The following RHD variants were observed in gnomAD, a reference collection of about 807,000 sequenced individuals.
RHD encodes Rh blood group D antigen, also known as blood group Rh(D) polypeptide.
A neutral mutation model predicts 45.5 loss-of-function variants in RHD; 16 were observed. That is an observed-to-expected ratio of 0.35 (90% CI 0.24 to 0.53). The LOEUF is 0.53. RHD is among the 20% of genes least tolerant of loss of function. The pLI is 0.92. For missense variants in RHD, 306 were observed against 532.0 expected (o/e 0.58, Z 4.18); for synonymous variants, 131 against 217.5 (o/e 0.60, Z 3.50).
At chr1:25,323,547 C>T (rs1644827188) in intron 9 of RHD, among the ~76,000 whole-genome samples, 2 of 127,074 alleles carry the variant, frequency 1.6e-5, no homozygotes, top group South Asian at 4.8e-4. Flanking sequence ...TAGCCTCAAC[C>T]TCCCCAGGCT....
At chr1:25,324,611 T>G (rs1644874731) in intron 9 of RHD, among the ~76,000 whole-genome samples, 1 of 151,500 alleles carries the variant, frequency 6.6e-6, no homozygotes, top group Non-Finnish European at 1.5e-5. Context: ...AATGTGAAAG[T>G]TTATTACTAG....
rs771256115 is a variant in RHD at position 25,301,043 on chromosome 1, C to T, written c.584C>T (p.Thr195Met). Residue 195 changes from threonine (T) to methionine (M), a missense_variant, in exon 4 of 10, where the codon ACG becomes ATG. Transcript: ENST00000328664. ...CTGCCAAAGCCTCTACCCGAGGGAA[C>T]GGAGGATAAAGATCAGACAGCAACG... ...WCLPKPLPEG[T>M]EDKDQTATIP... is the part of the protein sequence containing the mutation. The T allele has an allele frequency of 9.4e-6, 13 of 1,376,914 alleles. 4 individuals carry two copies. The highest frequency in any genetic ancestry group is 4.7e-5 in the South Asian group (4 of 84,856). 85.3% of individuals were successfully genotyped at this position (1,376,914 alleles called of 1,614,324 possible). A position where few individuals can be genotyped will look rare whatever the true frequency, so the allele number is the denominator to read the frequency against.
chr1:25,312,017 G>A (rs1230791175), intron 7 of RHD, among the ~76,000 whole-genome samples: 1 of 117,572 alleles, frequency 8.5e-6, no homozygotes, highest in Non-Finnish European at 2.0e-5. Context: ...TGCAATGCCA[G>A]CTTGGGAGAA....
chr1:25,305,436 A>C (rs1268628916), intron 6 of RHD, among the ~76,000 whole-genome samples: 1 of 120,296 alleles, frequency 8.3e-6, no homozygotes, highest in African/African-American at 2.8e-5. Context: ...TCATTCTGTC[A>C]CCCAGGCTGG....
rs945740372 is a variant in RHD, at chr1:25,292,122, T to C, written c.486+1331T>C. 2.3e-5 allele frequency among the ~76,000 whole-genome samples: 3 copies of C among 132,038 alleles called. 1 individual carries two copies. The highest frequency in any genetic ancestry group is 7.7e-5 in the African/African-American group (3 of 38,738). The allele number at this position is 132,038 out of a possible 152,430, so 86.6% of individuals were successfully genotyped here. ...ATATGAGGGTAGCAGTACTACCACA[T>C]AGGGTTTTGAGGGAGTAATTGAATT... is the stretch of plus-strand genomic sequence containing the variant. On this transcript the variant is annotated intron_variant, in intron 3 of 9. Transcript: ENST00000328664.
chr1:25,314,137 C>T (rs1405848898), intron 7 of RHD, among the ~76,000 whole-genome samples: 1 of 132,970 alleles, frequency 7.5e-6, no homozygotes, highest in African/African-American at 2.6e-5. Flanking sequence ...AGTATTCACA[C>T]AGTCAGCTTT....
chr1:25,301,704 C>T lies in RHD; in HGVS notation c.801+18C>T. On this transcript the variant is annotated intron_variant, in intron 5 of 9. Transcript: ENST00000328664. Reference sequence around the variant, plus strand: ...TCAGCAAGGTGAGCAGGGCGCTGCCCTTGGGCAGCACTTGGGTCTAACAGG... The same window carrying T: ...TCAGCAAGGTGAGCAGGGCGCTGCCTTTGGGCAGCACTTGGGTCTAACAGG... 1 of 1,374,732 alleles carries T rather than the reference C, an allele frequency of 7.3e-7. No individual in the cohort carries two copies. The highest frequency in any genetic ancestry group is 1.0e-6 in the Non-Finnish European group (1 of 974,788). 85.2% of individuals were successfully genotyped at this position (1,374,732 alleles called of 1,614,324 possible).
At chr1:25,292,488 C>T (rs1413588968) in intron 3 of RHD, among the ~76,000 whole-genome samples, 2 of 131,704 alleles carry the variant, frequency 1.5e-5, no homozygotes, top group East Asian at 2.0e-4. Context: ...ATAGACTGCA[C>T]GTGGGGTGGG....
In RHD at chr1:25,276,204, T is replaced by C. The variant is rs186708387; in HGVS notation, c.148+3509T>C. 5.3e-4 allele frequency among the ~76,000 whole-genome samples: 69 copies of C among 131,104 alleles called. 7 individuals carry two copies. The highest frequency in any genetic ancestry group is 1.8e-3 in the African/African-American group (68 of 38,416). The allele number at this position is 131,104 out of a possible 152,430, so 86.0% of individuals were successfully genotyped here. On this transcript the variant is annotated intron_variant, in intron 1 of 9. Transcript: ENST00000328664. ...GCATGGTGGGTTGTTTTTGTTTTTG[T>C]TTTTTAAGTCTCCATCTGTTAGAGA...
Position 25,274,476 on chromosome 1 carries a change from G to A in RHD, c.148+1781G>A, listed in dbSNP as rs1315095868. Among the ~76,000 whole-genome samples, 25 of 132,256 alleles carry A rather than the reference G, an allele frequency of 1.9e-4. 6 individuals are homozygous for A. The highest frequency in any genetic ancestry group is 1.8e-3 in the Admixed American group (25 of 13,544). The allele number at this position is 132,256 out of a possible 152,430, so 86.8% of individuals were successfully genotyped here. On this transcript the variant is annotated intron_variant, in intron 1 of 9. Transcript: ENST00000328664. ...CGTGCTACTAACGTAGGTACAAAAT[G>A]TCCTCAGAAACTCACTTTATACGGA...
Position 25,301,159 on chromosome 1 carries a change from G to A in RHD, c.634+66G>A. ...AGCAGAATGGCTCAGAAAAGGCTCT[G>A]GCTGAAAAAATCTCCCTCCTTTACC... On this transcript the variant is annotated intron_variant, in intron 4 of 9. Transcript: ENST00000328664. The A allele has an allele frequency of 1.1e-5, 15 of 1,311,834 alleles. 4 individuals are homozygous for A. Among genetic ancestry groups the A allele is most frequent in the Non-Finnish European group, 1.6e-5 (15 of 920,670 alleles). 81.3% of individuals were successfully genotyped at this position (1,311,834 alleles called of 1,614,324 possible). A position where few individuals can be genotyped will look rare whatever the true frequency, so the allele number is the denominator to read the frequency against.
Position 25,308,598 on chromosome 1 carries a change from G to A in RHD, c.1073+1869G>A, listed in dbSNP as rs2518079. On this transcript the variant is annotated intron_variant, in intron 7 of 9. Transcript: ENST00000328664. ...CTTCCCGCATGACTGAGTTCAAGCTGTCAAGGAGACATCACTATACATGGA... is the reference window on the plus strand; with the variant it reads ...CTTCCCGCATGACTGAGTTCAAGCTATCAAGGAGACATCACTATACATGGA... Among the ~76,000 whole-genome samples the A allele has an allele frequency of 2.9e-3, 384 of 132,166 alleles. 53 individuals carry two copies. The highest frequency in any genetic ancestry group is 7.6e-3 in the African/African-American group (292 of 38,398). The allele number at this position is 132,166 out of a possible 152,430, so 86.7% of individuals were successfully genotyped here. A position where few individuals can be genotyped will look rare whatever the true frequency, so the allele number is the denominator to read the frequency against.
rs866913540 is a variant in RHD at position 25,320,281 on chromosome 1, C to A, written c.1154-1608C>A. Among the ~76,000 whole-genome samples the A allele has an allele frequency of 1.4e-4, 18 of 131,892 alleles. 4 individuals are homozygous for A. Among genetic ancestry groups the A allele is most frequent in the African/African-American group, 4.1e-4 (16 of 38,750 alleles). The allele number at this position is 131,892 out of a possible 152,430, so 86.5% of individuals were successfully genotyped here. A position where few individuals can be genotyped will look rare whatever the true frequency, so the allele number is the denominator to read the frequency against. The stretch of plus-strand genomic sequence containing the variant: ...AACAACAACCCTCCACAGCTACACA[C>A]CTTTTCCACGTTATATGGCACGTTA... On this transcript the variant is annotated intron_variant, in intron 8 of 9. Coordinates refer to ENST00000328664, the MANE Select transcript of RHD (RefSeq NM_016124.6).
chr1:25,279,772 T>C (rs1381044314), intron 1 of RHD, among the ~76,000 whole-genome samples: 1 of 129,014 alleles, frequency 7.8e-6, no homozygotes, highest in East Asian at 2.0e-4. Context: ...CATGAGGCTT[T>C]CATAAACTTT....
At chr1:25,284,088 G>T (rs71652365) in intron 1 of RHD, among the ~76,000 whole-genome samples, 1 of 134,984 alleles carries the variant, frequency 7.4e-6, no homozygotes, top group African/African-American at 2.6e-5. Flanking sequence ...CAACAAGAGC[G>T]CTGGGCCTAT....
Position 25,301,615 on chromosome 1 carries a change from G to T in RHD, c.730G>T (p.Ala244Ser), listed in dbSNP as rs1643394534. The T allele has an allele frequency of 1.4e-6, 2 of 1,380,316 alleles. No homozygotes were observed. Among genetic ancestry groups the T allele is most frequent in the Non-Finnish European group, 2.0e-6 (2 of 979,292 alleles). 85.5% of individuals were successfully genotyped at this position (1,380,316 alleles called of 1,614,324 possible). Residue 244 changes from alanine to serine, a missense_variant, in exon 5 of 10, where the codon GCT becomes TCT. Coordinates refer to ENST00000328664, the MANE Select transcript of RHD (RefSeq NM_016124.6). ...GAATGCCGTGTTCAACACCTACTAT[G>T]CTGTAGCAGTCAGCGTGGTGACAGC... ...RKNAVFNTYYAVAVSVVTAIS... is the reference protein window; with the variant it reads ...RKNAVFNTYYSVAVSVVTAIS...
In RHD at chr1:25,322,826, G is replaced by T. The variant is rs2124163538; in HGVS notation, c.1227+864G>T. Among the ~76,000 whole-genome samples the T allele has an allele frequency of 2.4e-5, 3 of 126,614 alleles. 1 individual carries two copies. The highest frequency in any genetic ancestry group is 2.3e-4 in the Admixed American group (3 of 12,884). The allele number at this position is 126,614 out of a possible 152,430, so 83.1% of individuals were successfully genotyped here. A position where few individuals can be genotyped will look rare whatever the true frequency, so the allele number is the denominator to read the frequency against. ...AAATTCTCTCGGCCCCAAAGAAGGGGCTAGATTTTCTTTTATACCTTGGTT... is the reference window on the plus strand; with the variant it reads ...AAATTCTCTCGGCCCCAAAGAAGGGTCTAGATTTTCTTTTATACCTTGGTT... On this transcript the variant is annotated intron_variant, in intron 9 of 9. Transcript: ENST00000328664.
Position 25,315,441 on chromosome 1 carries a change from C to A in RHD, c.1074-1559C>A. ...TAGTTGTTGACATCTGCACTCCCTA[C>A]ATGAGCAGCAGGGTGGCAACTCTTT... On this transcript the variant is annotated intron_variant, in intron 7 of 9. Transcript: ENST00000328664. Among the ~76,000 whole-genome samples, 2 of 128,352 alleles carry A rather than the reference C, an allele frequency of 1.6e-5. 1 individual carries two copies. The highest frequency in any genetic ancestry group is 3.7e-5 in the Non-Finnish European group (2 of 54,748). 84.2% of individuals were successfully genotyped at this position (128,352 alleles called of 152,430 possible). A position where few individuals can be genotyped will look rare whatever the true frequency, so the allele number is the denominator to read the frequency against.
chr1:25,316,393 G>T (rs1195705545), intron 7 of RHD, among the ~76,000 whole-genome samples: 1 of 129,280 alleles, frequency 7.7e-6, no homozygotes, highest in African/African-American at 2.7e-5. Flanking sequence ...GCCGAGGCGG[G>T]CAGATCACTT....
Sources: gnomAD v4.1 joint callset for allele counts (sites outside exome capture counted in the v4.1 genomes callset) on GRCh38, gnomAD v4.1.1 for gene constraint, MANE v1.5 for transcripts, NCBI Gene and HGNC (gene_info 2026-07-23, HGNC 2026-07-21) for gene names.